TXNRD1: variants seen among roughly 807,000 people sequenced by gnomAD.
TXNRD1 encodes thioredoxin reductase 1, cytoplasmic.
A neutral mutation model predicts 80.3 loss-of-function variants in TXNRD1; 57 were observed. The observed-to-expected ratio is 0.71, with a 90% CI of 0.57 to 0.89. The LOEUF (loss-of-function observed/expected upper bound fraction) is 0.89, where lower values mean the gene tolerates loss of function less well. TXNRD1 is among the 40% of genes least tolerant of loss of function. TXNRD1 has a pLI of 0.00. For synonymous variants in TXNRD1, 291 were observed against 285.2 expected, an observed-to-expected ratio of 1.02 and a Z score of -0.20; for missense variants, 730 against 803.0, an observed-to-expected ratio of 0.91 and a Z score of 1.10.
At chr12:104,323,526 G>T (rs1184934391) in intron 10 of TXNRD1, among the ~76,000 whole-genome samples, 1 of 145,266 alleles carries the variant, frequency 6.9e-6, no homozygotes, top group African/African-American at 2.6e-5. Flanking sequence ...TGGCCGGGCG[G>T]GGGGCTGACA....
intron 1 of TXNRD1, among the ~76,000 whole-genome samples, chr12:104,250,211 A>G (rs755622818): frequency 1.3e-5 from 2 of 152,178 alleles, no homozygotes; most frequent in Non-Finnish European, 2.9e-5. Context: ...TCCACATGCA[A>G]AAGAAGAAAG....
intron 4 of TXNRD1, chr12:104,304,095 A>G (rs1238621679): frequency 6.2e-7 from 1 of 1,613,830 alleles, no homozygotes; most frequent in African/African-American, 1.3e-5. Context: ...GTGCGGCAGA[A>G]CCGGGAGGAC....
chr12:104,267,066 T>TGA (rs1425189741), intron 3 of TXNRD1, among the ~76,000 whole-genome samples: 1 of 150,512 alleles, frequency 6.6e-6, no homozygotes, highest in Non-Finnish European at 1.5e-5. Context: ...CTTGGGAGGC[T>TGA]GAGGCAGGAG....
rs767879738 is a variant in TXNRD1 at position 104,325,448 on chromosome 12, T to G, written c.1308+19T>G. On this transcript the variant is annotated intron_variant, in intron 11 of 16. Transcript: ENST00000525566. ...TAATACGGTAAGGAATGGGCCCAGG[T>G]TAATACTTTATCAGAAAGCAAATAA... 30 of 1,559,804 alleles carry G rather than the reference T, an allele frequency of 1.9e-5. No homozygotes were observed. Among genetic ancestry groups the G allele is most frequent in the Non-Finnish European group, 2.6e-5 (29 of 1,134,350 alleles).
At position 104,348,528 on chromosome 12, in the gene TXNRD1, T is replaced by A; in HGVS notation, c.*107T>A. 1 of 1,068,666 alleles carries A rather than the reference T, an allele frequency of 9.4e-7. No individual in the cohort carries two copies. The highest frequency in any genetic ancestry group is 1.4e-6 in the Non-Finnish European group (1 of 706,954). The allele number at this position is 1,068,666 out of a possible 1,614,324, so 66.2% of individuals were successfully genotyped here. A position where few individuals can be genotyped will look rare whatever the true frequency, so the allele number is the denominator to read the frequency against. ...GGTTCTTGGGCTCTTGGCACCTGCGTGTCCTGTGCTTACCACCGCCCAAGG... is the reference window on the plus strand; with the variant it reads ...GGTTCTTGGGCTCTTGGCACCTGCGAGTCCTGTGCTTACCACCGCCCAAGG... On this transcript the variant is annotated 3_prime_UTR_variant, in exon 17 of 17. Transcript: ENST00000525566.
intron 15 of TXNRD1, among the ~76,000 whole-genome samples, chr12:104,335,318 C>T (rs1565912339): frequency 6.6e-6 from 1 of 151,540 alleles, no homozygotes; most frequent in Admixed American, 6.6e-5. Context: ...TTTCCTGCCT[C>T]AGCCTCCCAA....
chr12:104,231,760 C>T (rs1379746728), intron 1 of TXNRD1, among the ~76,000 whole-genome samples: 1 of 152,212 alleles, frequency 6.6e-6, no homozygotes, highest in Non-Finnish European at 1.5e-5. Flanking sequence ...CATTACCTGG[C>T]AGAATTTGCA....
chr12:104,285,995 A>G (rs1383018601), intron 3 of TXNRD1: 2 of 152,212 alleles, frequency 1.3e-5, no homozygotes, highest in Non-Finnish European at 2.9e-5. Flanking sequence ...GTGCCCATTT[A>G]GAGGGTGAAG....
At chr12:104,281,024 A>C (rs1036251809) in intron 3 of TXNRD1, among the ~76,000 whole-genome samples, 25 of 152,316 alleles carry the variant, frequency 1.6e-4, no homozygotes, top group African/African-American at 5.8e-4. Flanking sequence ...CTTGAACTCC[A>C]TACTTACATA....
chr12:104,342,744 C>T (rs1352402841), intron 16 of TXNRD1, among the ~76,000 whole-genome samples: 1 of 152,120 alleles, frequency 6.6e-6, no homozygotes, highest in Non-Finnish European at 1.5e-5. Flanking sequence ...TTTTGACTGC[C>T]TTTGGGGCAT....
At chr12:104,296,375 TA>T (rs972286221) in intron 4 of TXNRD1, among the ~76,000 whole-genome samples, 14 of 151,426 alleles carry the variant, frequency 9.2e-5, no homozygotes, top group Non-Finnish European at 1.6e-4. Context: ...GCTGGGCTTC[TA>T]AAAAAAAATA....
chr12:104,290,738 T>C (rs1271835888), intron 4 of TXNRD1, among the ~76,000 whole-genome samples: 5 of 110,998 alleles, frequency 4.5e-5, no homozygotes, highest in African/African-American at 1.9e-4. Context: ...TATATATATA[T>C]ATATATATAT....
At chr12:104,259,443 T>C (rs1197578558) in intron 3 of TXNRD1, among the ~76,000 whole-genome samples, 1 of 150,966 alleles carries the variant, frequency 6.6e-6, no homozygotes, top group African/African-American at 2.4e-5. Flanking sequence ...CAGAGAAAGA[T>C]ATATGGCAAT....
intron 1 of TXNRD1, among the ~76,000 whole-genome samples, chr12:104,248,660 C>G (rs1382717887): frequency 6.6e-6 from 1 of 152,108 alleles, no homozygotes; most frequent in Admixed American, 6.6e-5. Context: ...AGGATGAGAC[C>G]TAGGAAGTCT....
chr12:104,317,704 C>T (rs2035379624), intron 7 of TXNRD1, among the ~76,000 whole-genome samples: 1 of 152,188 alleles, frequency 6.6e-6, no homozygotes, highest in Non-Finnish European at 1.5e-5. Flanking sequence ...GGCCTGGAAG[C>T]CCTCTCCTAT....
At chr12:104,302,504 T>TTTTTG (rs2034670931) in intron 4 of TXNRD1, among the ~76,000 whole-genome samples, 1 of 146,104 alleles carries the variant, frequency 6.8e-6, no homozygotes, top group Non-Finnish European at 1.5e-5. Context: ...TTTTTTTTTT[T>TTTTTG]TTTGAGACGG....
intron 6 of TXNRD1, among the ~76,000 whole-genome samples, chr12:104,314,133 G>GT (rs1420157920): frequency 1.3e-5 from 2 of 152,162 alleles, no homozygotes; most frequent in Non-Finnish European, 2.9e-5. Context: ...AGGTGGTAGT[G>GT]TGAGATGAGA....
intron 15 of TXNRD1, among the ~76,000 whole-genome samples, chr12:104,338,790 C>T (rs905977522): frequency 6.6e-6 from 1 of 151,870 alleles, no homozygotes; most frequent in Non-Finnish European, 1.5e-5. Context: ...GATCTCGGCT[C>T]ACTGCAAGCT....
chr12:104,317,282 G>T (rs1593827511), intron 7 of TXNRD1, among the ~76,000 whole-genome samples: 1 of 151,790 alleles, frequency 6.6e-6, no homozygotes, highest in African/African-American at 2.4e-5. Flanking sequence ...AGGCAGGGAG[G>T]TTAGTCCAAG....
Sources: allele counts gnomAD v4.1 joint callset (sites outside exome capture counted in the v4.1 genomes callset), GRCh38; gene constraint gnomAD v4.1.1; transcripts MANE v1.5; gene names NCBI Gene and HGNC (gene_info 2026-07-23, HGNC 2026-07-21).